Variants in WASF3 observed in about 807,000 individuals in gnomAD.
WASF3 encodes the protein actin-binding protein WASF3.
Under a neutral mutation model 46.6 loss-of-function variants are expected in WASF3, and 11 were observed. The observed-to-expected ratio is 0.24, with a 90% CI of 0.15 to 0.39. WASF3 has a LOEUF of 0.39. Among genes scored for constraint, WASF3 ranks in the 10% least tolerant of loss-of-function variants. WASF3 has a pLI of 1.00. For missense variants in WASF3, 576 were observed against 669.8 expected (o/e 0.86, Z 1.55); for synonymous variants, 242 against 259.7 (o/e 0.93, Z 0.65).
intron 1 of WASF3, among the ~76,000 whole-genome samples, chr13:26,607,253 G>A (rs182211055): frequency 4.6e-5 from 7 of 152,214 alleles, no homozygotes; most frequent in Admixed American, 3.9e-4. Context: ...GTGATTCATA[G>A]TTATATTTCT....
At chr13:26,672,117 C>A in intron 6 of WASF3, 128 bp downstream of exon 6, 1 of 699,532 alleles carries the variant, frequency 1.4e-6, no homozygotes, top group Non-Finnish European at 2.4e-6. Flanking sequence ...GGTTGCATTT[C>A]TCACAAAAGA....
chr13:26,601,322 G>GT (rs1418393026), intron 1 of WASF3, among the ~76,000 whole-genome samples: 1 of 152,180 alleles, frequency 6.6e-6, no homozygotes, highest in Non-Finnish European at 1.5e-5. Flanking sequence ...CTGTCTCTGT[G>GT]TATAGGTTTA....
intron 3 of WASF3, among the ~76,000 whole-genome samples, chr13:26,654,306 A>G (rs993652345): frequency 1.3e-5 from 2 of 152,164 alleles, no homozygotes; most frequent in African/African-American, 4.8e-5. Flanking sequence ...TTCCCTAGAT[A>G]TTCATCTTCC....
At chr13:26,549,850 T>C in the WASF3 span, among the ~76,000 whole-genome samples, 1 of 152,300 alleles carries the variant, frequency 6.6e-6, no homozygotes, top group East Asian at 1.9e-4. Context: ...TGTTTGATAA[T>C]GAAGGCAAGT....
chr13:26,665,607 T>C (rs1480160851), intron 4 of WASF3, among the ~76,000 whole-genome samples: 1 of 152,176 alleles, frequency 6.6e-6, no homozygotes, highest in Non-Finnish European at 1.5e-5. Context: ...GTGATTCTGC[T>C]GATTTAAAAA....
chr13:26,638,664 C>T (rs778601978), intron 2 of WASF3: 7 of 152,196 alleles, frequency 4.6e-5, no homozygotes, highest in African/African-American at 1.4e-4. Context: ...GACTCTTCCT[C>T]GCTCTTCAAT....
At chr13:26,542,833 G>C in the WASF3 span, among the ~76,000 whole-genome samples, 1 of 152,184 alleles carries the variant, frequency 6.6e-6, no homozygotes, top group Non-Finnish European at 1.5e-5. Context: ...GCCTAGAATA[G>C]GTGCTCAATA....
At chr13:26,664,384 T>C (rs1264093453) in intron 3 of WASF3, among the ~76,000 whole-genome samples, 1 of 152,236 alleles carries the variant, frequency 6.6e-6, no homozygotes, top group Non-Finnish European at 1.5e-5. Flanking sequence ...ATGATTCTTA[T>C]CTTGCTTGCT....
At chr13:26,552,225 G>A in the WASF3 span, among the ~76,000 whole-genome samples, 1 of 152,138 alleles carries the variant, frequency 6.6e-6, no homozygotes. Context: ...TCTATAAAAT[G>A]GGCAACAGAC....
intron 1 of WASF3, among the ~76,000 whole-genome samples, chr13:26,598,531 G>A (rs887496569): frequency 1.3e-5 from 2 of 152,160 alleles, no homozygotes; most frequent in Admixed American, 6.6e-5. Flanking sequence ...CCGGCAAAAG[G>A]CTTGCTCTTC....
Position 26,578,993 on chromosome 13 carries a change from C to CTTTTTTTTTTTTTTTTTT in WASF3, c.-109+21180_-109+21197dup, listed in dbSNP as rs200299739. Among the ~76,000 whole-genome samples, 163 of 60,618 alleles carry CTTTTTTTTTTTTTTTTTT rather than the reference C, an allele frequency of 2.7e-3. 32 individuals carry two copies. The highest frequency in any genetic ancestry group is 5.2e-3 in the African/African-American group (68 of 13,026). 39.8% of individuals were successfully genotyped at this position (60,618 alleles called of 152,430 possible). On this transcript the variant is annotated intron_variant, in intron 1 of 9. Coordinates refer to ENST00000335327, the MANE Select transcript of WASF3 (RefSeq NM_006646.6). ...ACCTTATATTCTTGGGATACATTTC[C>CTTTTTTTTTTTTTTTTTT]TTTTTTTTTTTTTTTTTTTTTTTGT...
At chr13:26,685,620 T>G in intron 9 of WASF3, 68 bp from the exon 10 acceptor site, 1 of 1,580,196 alleles carries the variant, frequency 6.3e-7, no homozygotes, top group South Asian at 1.1e-5. Context: ...ATAGACATAT[T>G]TGTTCGTTTA....
chr13:26,602,914 A>G (rs989037178), intron 1 of WASF3, among the ~76,000 whole-genome samples: 1 of 152,204 alleles, frequency 6.6e-6, no homozygotes, highest in African/African-American at 2.4e-5. Context: ...GACTCAACAC[A>G]TTTAATGAAA....
chr13:26,622,310 A>G (rs1247975306), intron 2 of WASF3, among the ~76,000 whole-genome samples: 1 of 152,140 alleles, frequency 6.6e-6, no homozygotes, highest in African/African-American at 2.4e-5. Flanking sequence ...TACAAAATCT[A>G]TTCAGTTAAT....
chr13:26,642,209 A>T, intron 2 of WASF3, 52 bp from the exon 3 acceptor site: 2 of 1,424,858 alleles, frequency 1.4e-6, no homozygotes, highest in African/African-American at 1.5e-5. Flanking sequence ...AAAATTCCAG[A>T]TTTGTTAAAA....
At chr13:26,663,381 G>A (rs182874108) in intron 3 of WASF3, among the ~76,000 whole-genome samples, 67 of 152,346 alleles carry the variant, frequency 4.4e-4, no homozygotes, top group African/African-American at 1.6e-3. Context: ...GCTAGTTATA[G>A]TATTTTAAAA....
At chr13:26,667,888 C>T (rs1882819389) in intron 5 of WASF3, among the ~76,000 whole-genome samples, 3 of 152,260 alleles carry the variant, frequency 2.0e-5, no homozygotes, top group Middle Eastern at 3.4e-3. Context: ...CATATTGATA[C>T]GTTTAACAGT....
intron 1 of WASF3, among the ~76,000 whole-genome samples, chr13:26,575,258 T>A (rs1345644860): frequency 6.6e-6 from 1 of 152,192 alleles, no homozygotes; most frequent in African/African-American, 2.4e-5. Context: ...TTTTCTTTCC[T>A]TTTTCTCTTC....
chr13:26,587,859 G>T (rs574664458), intron 1 of WASF3, among the ~76,000 whole-genome samples: 1 of 152,206 alleles, frequency 6.6e-6, no homozygotes, highest in South Asian at 2.1e-4. Context: ...AAATTAAAAT[G>T]AGTTTTTAAA....
Sources: allele counts gnomAD v4.1 joint callset (sites outside exome capture counted in the v4.1 genomes callset), GRCh38; gene constraint gnomAD v4.1.1; transcripts MANE v1.5; gene names NCBI Gene and HGNC (gene_info 2026-07-23, HGNC 2026-07-21).